ZNF385B: variants seen among roughly 807,000 people sequenced by gnomAD.
The protein encoded by ZNF385B is zinc finger protein 385B, also known as zinc finger protein 533.
ZNF385B carries 23 observed loss-of-function variants against 39.2 expected under a neutral mutation model. That is an observed-to-expected ratio of 0.59 (90% confidence interval 0.42 to 0.83). The LOEUF (loss-of-function observed/expected upper bound fraction) is 0.83, where lower values mean the gene tolerates loss of function less well. Among genes scored for constraint, ZNF385B ranks in the 40% least tolerant of loss-of-function variants. The pLI, the probability that ZNF385B is intolerant of heterozygous loss-of-function variation, is 0.00. For synonymous variants in ZNF385B, 205 were observed against 222.6 expected (o/e 0.92, Z 0.70); for missense variants, 552 against 598.9 (o/e 0.92, Z 0.82).
chr2:179,565,616 A>G (rs1449762545), intron 3 of ZNF385B, among the ~76,000 whole-genome samples: 1 of 152,248 alleles, frequency 6.6e-6, no homozygotes, highest in Non-Finnish European at 1.5e-5. Context: ...TAGTTGCTCC[A>G]GAAATGTTCA....
intron 3 of ZNF385B, among the ~76,000 whole-genome samples, chr2:179,664,203 A>G (rs958492622): frequency 6.6e-6 from 1 of 151,756 alleles, no homozygotes; most frequent in African/African-American, 2.4e-5. Context: ...AACCACACCA[A>G]TATTTCACAT....
intron 4 of ZNF385B, among the ~76,000 whole-genome samples, chr2:179,522,506 T>C (rs1049279503): frequency 1.6e-5 from 2 of 126,694 alleles, no homozygotes; most frequent in Non-Finnish European, 3.4e-5. Context: ...TGCAAGTAAC[T>C]CATTTTAGTA....
intron 3 of ZNF385B, among the ~76,000 whole-genome samples, chr2:179,550,804 C>T (rs577888275): frequency 6.7e-6 from 1 of 149,106 alleles, no homozygotes; most frequent in South Asian, 2.2e-4. Context: ...GCTGCTGCTG[C>T]TGCTGCTGCT....
At chr2:179,522,573 A>G (rs935633127) in intron 4 of ZNF385B, among the ~76,000 whole-genome samples, 2 of 152,198 alleles carry the variant, frequency 1.3e-5, no homozygotes, top group African/African-American at 4.8e-5. Flanking sequence ...CTCAAAAATT[A>G]CTGGAGGTAC....
chr2:179,675,819 C>T (rs893738679), intron 3 of ZNF385B, among the ~76,000 whole-genome samples: 20 of 149,596 alleles, frequency 1.3e-4, no homozygotes, highest in African/African-American at 4.9e-4. Flanking sequence ...GATGGAGTCT[C>T]ATTCTGTCAC....
At position 179,676,042 on chromosome 2, in the gene ZNF385B, C is replaced by A. The variant is rs902344701; in HGVS notation, c.298+93461G>T. On this transcript the variant is annotated intron_variant, in intron 3 of 9. Coordinates refer to ENST00000410066, the MANE Select transcript of ZNF385B (RefSeq NM_152520.6). Reference sequence around the variant, plus strand: ...GACCTCGTGATTGGCCCACCCTCAGCCTCCCACAGTGCTGGGATTACAGGC... The same window carrying A: ...GACCTCGTGATTGGCCCACCCTCAGACTCCCACAGTGCTGGGATTACAGGC... Among the ~76,000 whole-genome samples the A allele has an allele frequency of 4.8e-4, 73 of 151,570 alleles. 3 individuals are homozygous for A. Among genetic ancestry groups the A allele is most frequent in the Non-Finnish European group, 1.3e-4 (9 of 67,962 alleles).
intron 3 of ZNF385B, among the ~76,000 whole-genome samples, chr2:179,581,167 G>A (rs1559512550): frequency 6.6e-6 from 1 of 152,094 alleles, no homozygotes; most frequent in Non-Finnish European, 1.5e-5. Flanking sequence ...AGAGTAGACA[G>A]GAGCAAAATT....
intron 3 of ZNF385B, among the ~76,000 whole-genome samples, chr2:179,676,724 TGG>T (rs1373795017): frequency 1.3e-5 from 2 of 152,102 alleles, no homozygotes. Context: ...GAGTGGAAAG[TGG>T]TTCTTCACTG....
In ZNF385B at chr2:179,564,096, A is replaced by T. The variant is rs1419776814; in HGVS notation, c.299-19127T>A. 4.6e-5 allele frequency among the ~76,000 whole-genome samples: 7 copies of T among 152,288 alleles called. No homozygotes were observed. In the South Asian group the frequency reaches 1.0e-3, roughly 23 times the overall value. On this transcript the variant is annotated intron_variant, in intron 3 of 9. Transcript: ENST00000410066. ...CCAGCAGCATCAGCATCACCTGAGAACTTGTTAGAAAAGCAAATTCTGAGG... is the reference window on the plus strand; with the variant it reads ...CCAGCAGCATCAGCATCACCTGAGATCTTGTTAGAAAAGCAAATTCTGAGG...
At chr2:179,502,146 A>G (rs1313974345) in intron 5 of ZNF385B, among the ~76,000 whole-genome samples, 2 of 152,062 alleles carry the variant, frequency 1.3e-5, no homozygotes, top group Non-Finnish European at 1.5e-5. Context: ...CTGTACTTCC[A>G]CTGTATCTTA....
intron 3 of ZNF385B, among the ~76,000 whole-genome samples, chr2:179,589,991 T>A (rs1366645778): frequency 6.6e-6 from 1 of 152,162 alleles, no homozygotes; most frequent in Non-Finnish European, 1.5e-5. Flanking sequence ...GGGAAAAAAT[T>A]TAGCATGGCA....
intron 3 of ZNF385B, among the ~76,000 whole-genome samples, chr2:179,750,241 T>C (rs183064583): frequency 1.3e-5 from 2 of 152,206 alleles, no homozygotes; most frequent in East Asian, 1.9e-4. Flanking sequence ...TGAGACTTCA[T>C]CCTATTTCCA....
intron 3 of ZNF385B, chr2:179,583,848 G>A: frequency 2.2e-5 from 27 of 1,247,962 alleles, no homozygotes; most frequent in Non-Finnish European, 2.8e-5. Flanking sequence ...GCCATTTCAG[G>A]AGTGAAACCT....
At chr2:179,672,679 T>C (rs1696185154) in intron 3 of ZNF385B, among the ~76,000 whole-genome samples, 1 of 152,168 alleles carries the variant, frequency 6.6e-6, no homozygotes, top group Non-Finnish European at 1.5e-5. Context: ...GAGAGACTCC[T>C]TACCTCTTCC....
rs763581234 is a variant in ZNF385B, at chr2:179,446,598, G to A, written c.888C>T (p.Ala296=). ...GTVVESEEEK[A]KKLLYCSLCK... is the part of the protein sequence containing the mutation. The stretch of plus-strand genomic sequence containing the variant: ...ATAGTGAACAATAAAGTAATTTTTT[G>A]GCTTTTTCTTCTTCTGATTCAACAA... Residue 296 remains alanine (A), a synonymous_variant, in exon 7 of 10, where the codon GCC becomes GCT. Coordinates refer to ENST00000410066, the MANE Select transcript of ZNF385B (RefSeq NM_152520.6). 3.7e-6 allele frequency: 6 copies of A among 1,613,836 alleles called. No homozygotes were observed. In the East Asian group the frequency reaches 1.3e-4, roughly 36 times the overall value.
chr2:179,558,220 G>C (rs2061084967), intron 3 of ZNF385B, among the ~76,000 whole-genome samples: 1 of 152,122 alleles, frequency 6.6e-6, no homozygotes, highest in African/African-American at 2.4e-5. Context: ...TTCACACTAA[G>C]AGCCAGGCTA....
chr2:179,444,437 C>T (rs13007349), intron 9 of ZNF385B, among the ~76,000 whole-genome samples: 4 of 152,158 alleles, frequency 2.6e-5, no homozygotes, highest in East Asian at 1.9e-4. Context: ...AGAGAGCACA[C>T]GATACAGACA....
At chr2:179,459,934 T>A (rs1286041397) in intron 6 of ZNF385B, among the ~76,000 whole-genome samples, 1 of 151,520 alleles carries the variant, frequency 6.6e-6, no homozygotes, top group Admixed American at 6.6e-5. Context: ...TGAAACCCCG[T>A]CTCTACTAAA....
intron 3 of ZNF385B, among the ~76,000 whole-genome samples, chr2:179,710,384 T>C (rs565801984): frequency 6.6e-6 from 1 of 152,220 alleles, no homozygotes; most frequent in South Asian, 2.1e-4. Flanking sequence ...CATTCCCCAA[T>C]CGTATGGTAC....
Sources: allele counts gnomAD v4.1 joint callset (sites outside exome capture counted in the v4.1 genomes callset), GRCh38; gene constraint gnomAD v4.1.1; transcripts MANE v1.5; gene names NCBI Gene and HGNC (gene_info 2026-07-23, HGNC 2026-07-21).